ZNF507: variants seen among roughly 807,000 people sequenced by gnomAD.
The protein encoded by ZNF507 is zinc finger protein 507.
Under a neutral mutation model 80.0 loss-of-function variants are expected in ZNF507, and 29 were observed. The observed-to-expected ratio is 0.36, with a 90% CI of 0.27 to 0.49. ZNF507 has a LOEUF of 0.49. Among genes scored for constraint, ZNF507 ranks in the 20% least tolerant of loss-of-function variants. ZNF507 has a pLI of 0.98. For synonymous variants in ZNF507, 462 were observed against 422.5 expected, an observed-to-expected ratio of 1.09 and a Z score of -1.15; for missense variants, 1,081 against 1,152.2, an observed-to-expected ratio of 0.94 and a Z score of 0.90.
At chr19:32,370,272 T>A (rs1268847251) in intron 5 of ZNF507, among the ~76,000 whole-genome samples, 2 of 152,228 alleles carry the variant, frequency 1.3e-5, no homozygotes, top group Non-Finnish European at 2.9e-5. Context: ...AAGAGGGATT[T>A]CTGGGTCGTG....
Position 32,383,567 on chromosome 19 carries a change from C to T in ZNF507, c.*484C>T, listed in dbSNP as rs938713316. Reference sequence around the variant, plus strand: ...GAGGGGGTTTTTTCAGTGTCACCAACAGAGTCAACAAGGAAACATAATTAG... The same window carrying T: ...GAGGGGGTTTTTTCAGTGTCACCAATAGAGTCAACAAGGAAACATAATTAG... On this transcript the variant is annotated 3_prime_UTR_variant, in exon 7 of 7. Coordinates refer to ENST00000355898, the MANE Select transcript of ZNF507 (RefSeq NM_001136156.2). 1 of 155,172 alleles carries T rather than the reference C, an allele frequency of 6.4e-6. No homozygotes were observed. Among genetic ancestry groups the T allele is most frequent in the Admixed American group, 6.3e-5 (1 of 15,846 alleles). 9.6% of individuals were successfully genotyped at this position (155,172 alleles called of 1,614,324 possible).
intron 5 of ZNF507, among the ~76,000 whole-genome samples, chr19:32,366,587 G>A (rs534023173): frequency 6.6e-5 from 10 of 152,138 alleles, no homozygotes; most frequent in South Asian, 2.1e-4. Flanking sequence ...TAAGACCACC[G>A]CAATTTATTC....
intron 5 of ZNF507, among the ~76,000 whole-genome samples, chr19:32,367,924 G>C (rs1967420509): frequency 6.6e-6 from 1 of 152,186 alleles, no homozygotes; most frequent in South Asian, 2.1e-4. Flanking sequence ...GACCCGGTGT[G>C]CTAAGCATTC....
intron 4 of ZNF507, chr19:32,357,793 CATT>C (rs1206057933): frequency 1.3e-5 from 2 of 152,108 alleles, no homozygotes; most frequent in Non-Finnish European, 2.9e-5. Context: ...TTAAAGGAGA[CATT>C]AAAACGTCTG....
chr19:32,364,541 C>T (rs1163089478), intron 5 of ZNF507, among the ~76,000 whole-genome samples: 3 of 152,112 alleles, frequency 2.0e-5, no homozygotes, highest in Admixed American at 6.6e-5. Flanking sequence ...TATGCCTTTG[C>T]GTCCTCATAG....
chr19:32,380,646 G>A (rs1437599472), intron 5 of ZNF507: 3 of 1,532,940 alleles, frequency 2.0e-6, no homozygotes, highest in Non-Finnish European at 2.6e-6. Flanking sequence ...GGTTTGTTAG[G>A]TTTGTAATTA....
intron 2 of ZNF507, among the ~76,000 whole-genome samples, chr19:32,349,331 C>A (rs1568301248): frequency 6.6e-6 from 1 of 152,168 alleles, no homozygotes; most frequent in Non-Finnish European, 1.5e-5. Flanking sequence ...ATACAGTGAG[C>A]CTAGAGGGCA....
Position 32,354,737 on chromosome 19 carries a change from A to G in ZNF507, c.1907A>G (p.Asn636Ser), listed in dbSNP as rs1252165758. ...SGNNVVEYIP[N>S]AERPYRCRLC... is the part of the protein sequence containing the mutation. ...AACAATGTGGTGGAATACATCCCGA[A>G]TGCTGAACGACCCTACCGTTGCCGC... Residue 636 changes from asparagine to serine, a missense_variant, in exon 3 of 7, where the codon AAT becomes AGT. Coordinates refer to ENST00000355898, the MANE Select transcript of ZNF507 (RefSeq NM_001136156.2). 2.5e-6 allele frequency: 4 copies of G among 1,614,092 alleles called. No homozygotes were observed. The highest frequency in any genetic ancestry group is 3.4e-6 in the Non-Finnish European group (4 of 1,180,038).
At position 32,382,762 on chromosome 19, in the gene ZNF507, A is replaced by C. The variant is rs557716351; in HGVS notation, c.2541A>C (p.Glu847Asp). The C allele has an allele frequency of 1.2e-6, 2 of 1,614,086 alleles. No homozygotes were observed. The highest frequency in any genetic ancestry group is 2.7e-5 in the African/African-American group (2 of 75,034). The change falls in exon 7 of 7, where the codon GAA (glutamate) becomes GAC (aspartate). Residue 847 changes from glutamate to aspartate, a missense_variant. By Grantham distance (45) the Glu-to-Asp change is conservative. Transcript: ENST00000355898. ...SPGKTQLKSS[E>D]ESADPVTGSS... ...GAAAGACTCAATTAAAGAGCAGTGA[A>C]GAGAGTGCAGATCCCGTCACTGGAA...
chr19:32,351,419 CTGTGTGTGTGTGTGTGTGTGTG>C (rs5823), intron 2 of ZNF507, among the ~76,000 whole-genome samples: 102 of 52,840 alleles, frequency 1.9e-3, no homozygotes, highest in African/African-American at 6.3e-3. Context: ...AGCTGGTCAG[CTGTGTGTGTGTGTGTGTGTGTG>C]TGTGTGTGTG....
Position 32,353,409 on chromosome 19 carries a change from C to G in ZNF507, c.579C>G (p.Cys193Trp). ...ACACCCAATCCAAAGCCCAACAGTG[C>G]GTAAGCCCCTCCAGCTCTTTGTGTC... ...NIHTQSKAQQCVSPSSSLCRK... is the reference protein window; with the variant it reads ...NIHTQSKAQQWVSPSSSLCRK... Residue 193 changes from cysteine (C) to tryptophan (W), a missense_variant, in exon 3 of 7, where the codon TGC (cysteine) becomes TGG (tryptophan). Cys to Trp is a radical substitution (Grantham distance 215). This residue lies in a region of ZNF507 where 275 missense variants were observed against 303.9 expected (regional missense o/e 0.90). Transcript: ENST00000355898. The G allele has an allele frequency of 6.2e-7, 1 of 1,614,186 alleles. No homozygotes were observed.
At chr19:32,372,179 C>G (rs1314064851) in intron 5 of ZNF507, among the ~76,000 whole-genome samples, 1 of 151,986 alleles carries the variant, frequency 6.6e-6, no homozygotes, top group Non-Finnish European at 1.5e-5. Context: ...GGAACATTGT[C>G]AAAAGTAGGA....
At chr19:32,351,231 T>C (rs895421225) in intron 2 of ZNF507, among the ~76,000 whole-genome samples, 9 of 152,202 alleles carry the variant, frequency 5.9e-5, no homozygotes, top group African/African-American at 2.2e-4. Context: ...GCTGATGCCA[T>C]AGGGCAGAGT....
intron 2 of ZNF507, among the ~76,000 whole-genome samples, chr19:32,351,107 G>A (rs925780422): frequency 6.6e-6 from 1 of 152,234 alleles, no homozygotes. Flanking sequence ...TTGTTTAAGG[G>A]AGAGTGGCTG....
chr19:32,347,882 A>C (rs974400658), intron 2 of ZNF507, among the ~76,000 whole-genome samples: 1 of 152,188 alleles, frequency 6.6e-6, no homozygotes, highest in Non-Finnish European at 1.5e-5. Flanking sequence ...CCAACTAAGA[A>C]ACTCTAGACT....
chr19:32,355,423 G>A lies in ZNF507; in HGVS notation c.2127+466G>A, dbSNP rs73565315. 3.2e-3 allele frequency among the ~76,000 whole-genome samples: 492 copies of A among 152,224 alleles called. 1 individual carries two copies. The highest frequency in any genetic ancestry group is 0.011 in the African/African-American group (469 of 41,544). On this transcript the variant is annotated intron_variant, in intron 3 of 6. Transcript: ENST00000355898. ...AACAGTGATGTGTATCATTGCAGAA[G>A]GAAAAATGGGCTATGGCGGACCTAT... is the stretch of plus-strand genomic sequence containing the variant.
chr19:32,383,995 GC>G lies in ZNF507; in HGVS notation c.*913del, dbSNP rs990569102. The G allele has an allele frequency of 1.3e-5, 2 of 152,192 alleles. No homozygotes were observed. Among genetic ancestry groups the G allele is most frequent in the Non-Finnish European group, 2.9e-5 (2 of 68,046 alleles). The allele number at this position is 152,192 out of a possible 1,614,324, so 9.4% of individuals were successfully genotyped here. A position where few individuals can be genotyped will look rare whatever the true frequency, so the allele number is the denominator to read the frequency against. ...ATGAAAATTTACATTTGATCATCCG[GC>G]ATTGGAAATAGTTTGAACTATTTCC... On this transcript the variant is annotated 3_prime_UTR_variant, in exon 7 of 7. Coordinates refer to ENST00000355898, the MANE Select transcript of ZNF507 (RefSeq NM_001136156.2).
chr19:32,361,095 C>T (rs1967316232), intron 5 of ZNF507, among the ~76,000 whole-genome samples: 1 of 152,072 alleles, frequency 6.6e-6, no homozygotes, highest in South Asian at 2.1e-4. Flanking sequence ...TTTTCAATGC[C>T]TTAGAGTTCA....
intron 2 of ZNF507, among the ~76,000 whole-genome samples, chr19:32,349,181 G>A (rs1336385384): frequency 1.3e-5 from 2 of 152,168 alleles, no homozygotes; most frequent in African/African-American, 4.8e-5. Context: ...AGAGAACCAG[G>A]ACGATGAATA....
Sources: allele counts gnomAD v4.1 joint callset (sites outside exome capture counted in the v4.1 genomes callset), GRCh38; gene constraint gnomAD v4.1.1; regional missense constraint gnomAD v4.1.1; transcripts MANE v1.5; gene names NCBI Gene and HGNC (gene_info 2026-07-23, HGNC 2026-07-21).